Variants in CYP2C19 observed in about 807,000 individuals in gnomAD.
The protein encoded by CYP2C19 is cytochrome P450 family 2 subfamily C member 19.
In CYP2C19, 59 loss-of-function variants were observed where a neutral mutation model predicts 40.9. The ratio of observed to expected loss-of-function variants is 1.44; its 90% CI spans 1.17 to 1.79. The LOEUF is 1.79. Among genes scored for constraint, CYP2C19 ranks in the 40% most tolerant of loss-of-function variants. CYP2C19 has a pLI of 0.00. For missense variants in CYP2C19, 754 were observed against 596.9 expected (o/e 1.26, Z -2.74); for synonymous variants, 253 against 208.7 (o/e 1.21, Z -1.83).
chr10:94,763,491 C>A (rs373995621), intron 1 of CYP2C19, among the ~76,000 whole-genome samples: 1 of 152,022 alleles, frequency 6.6e-6, no homozygotes, highest in Admixed American at 6.6e-5. Flanking sequence ...ATAAGCATTA[C>A]GGTTTTTTCT....
chr10:94,801,984 A>G (rs1312579125), intron 5 of CYP2C19, among the ~76,000 whole-genome samples: 1 of 152,166 alleles, frequency 6.6e-6, no homozygotes, highest in Non-Finnish European at 1.5e-5. Flanking sequence ...CAAAGCTTTG[A>G]CATCATGGAA....
At chr10:94,801,993 A>G (rs774735023) in intron 5 of CYP2C19, among the ~76,000 whole-genome samples, 2 of 152,158 alleles carry the variant, frequency 1.3e-5, no homozygotes, top group Non-Finnish European at 2.9e-5. Flanking sequence ...GACATCATGG[A>G]AGGAGACCTT....
intron 6 of CYP2C19, among the ~76,000 whole-genome samples, chr10:94,834,619 G>A (rs1849374625): frequency 6.6e-6 from 1 of 151,530 alleles, no homozygotes; most frequent in African/African-American, 2.4e-5. Context: ...TACAAAGGGA[G>A]GGGACCCAAA....
At chr10:94,820,284 A>G (rs1849092834) in intron 5 of CYP2C19, among the ~76,000 whole-genome samples, 1 of 152,132 alleles carries the variant, frequency 6.6e-6, no homozygotes, top group Admixed American at 6.5e-5. Context: ...AGCCAATATC[A>G]TACTGAATGG....
chr10:94,803,123 A>G (rs1236017131), intron 5 of CYP2C19, among the ~76,000 whole-genome samples: 3 of 152,158 alleles, frequency 2.0e-5, no homozygotes, highest in Non-Finnish European at 4.4e-5. Flanking sequence ...TGGTTTTACA[A>G]TATTCAGATA....
chr10:94,774,261 G>A (rs1037793761), intron 1 of CYP2C19: 6 of 152,240 alleles, frequency 3.9e-5, no homozygotes, highest in African/African-American at 1.4e-4. Context: ...AAAACTTCAG[G>A]GGGTTTTAAT....
chr10:94,828,963 C>G (rs1312296387), intron 6 of CYP2C19, among the ~76,000 whole-genome samples: 1 of 151,926 alleles, frequency 6.6e-6, no homozygotes, highest in Non-Finnish European at 1.5e-5. Context: ...GTTGAAAATT[C>G]TTTTCTTTAA....
chr10:94,844,599 G>T (rs1216424543), intron 7 of CYP2C19, among the ~76,000 whole-genome samples: 1 of 152,090 alleles, frequency 6.6e-6, no homozygotes, highest in African/African-American at 2.4e-5. Context: ...ATATTTTCAA[G>T]GGGAAAAATC....
intron 5 of CYP2C19, among the ~76,000 whole-genome samples, chr10:94,784,814 T>A (rs1848520484): frequency 6.6e-6 from 1 of 152,058 alleles, no homozygotes; most frequent in Non-Finnish European, 1.5e-5. Flanking sequence ...GGTCTCGAAC[T>A]CTTGACCTCA....
At chr10:94,771,045 A>G (rs1848322547) in intron 1 of CYP2C19, among the ~76,000 whole-genome samples, 1 of 152,184 alleles carries the variant, frequency 6.6e-6, no homozygotes, top group African/African-American at 2.4e-5. Flanking sequence ...TCCAAGTGAG[A>G]TCGAAGGTTT....
chr10:94,852,721 TGTTA>T lies in CYP2C19; in HGVS notation c.1292-11_1292-8del. The T allele has an allele frequency of 3.7e-6, 6 of 1,613,510 alleles. No homozygotes were observed. The highest frequency in any genetic ancestry group is 4.2e-6 in the Non-Finnish European group (5 of 1,179,782). On this transcript the variant is annotated splice_region_variant and splice_polypyrimidine_tract_variant and intron_variant, in intron 8 of 8. Transcript: ENST00000371321. The stretch of plus-strand genomic sequence containing the variant: ...ATGAGGAGTAACTTCTCCCTATGTT[TGTTA>T]TTTTCAGGAAAACGGATTTGTGTGG...
chr10:94,826,932 G>C (rs1470620487), intron 6 of CYP2C19, among the ~76,000 whole-genome samples: 1 of 152,090 alleles, frequency 6.6e-6, no homozygotes, highest in African/African-American at 2.4e-5. Flanking sequence ...TGTGGTTTTT[G>C]TCTTTGGTTC....
chr10:94,822,437 G>T (rs1008197542), intron 6 of CYP2C19, among the ~76,000 whole-genome samples: 5 of 152,286 alleles, frequency 3.3e-5, no homozygotes, highest in African/African-American at 9.6e-5. Context: ...AAACATATCA[G>T]TGTATATTTA....
chr10:94,771,040 G>T (rs1385858709), intron 1 of CYP2C19, among the ~76,000 whole-genome samples: 1 of 152,152 alleles, frequency 6.6e-6, no homozygotes, highest in Non-Finnish European at 1.5e-5. Flanking sequence ...ATCTCTCCAA[G>T]TGAGATCGAA....
chr10:94,783,159 T>C (rs974477968), intron 5 of CYP2C19, among the ~76,000 whole-genome samples: 1 of 152,110 alleles, frequency 6.6e-6, no homozygotes, highest in African/African-American at 2.4e-5. Context: ...ATGCAGGTTT[T>C]AGGTGAAATG....
At chr10:94,794,855 C>G (rs1237748087) in intron 5 of CYP2C19, among the ~76,000 whole-genome samples, 1 of 152,036 alleles carries the variant, frequency 6.6e-6, no homozygotes, top group African/African-American at 2.4e-5. Context: ...CAAACAGGGA[C>G]AATTTAACTT....
At chr10:94,847,015 A>G (rs1017422627) in intron 7 of CYP2C19, among the ~76,000 whole-genome samples, 1 of 152,084 alleles carries the variant, frequency 6.6e-6, no homozygotes, top group Non-Finnish European at 1.5e-5. Flanking sequence ...TGCCCTGTGA[A>G]TAGACACTCT....
rs373780078 is a variant in CYP2C19 at position 94,838,225 on chromosome 10, G to A, written c.962-4612G>A. Among the ~76,000 whole-genome samples, 70 of 152,212 alleles carry A rather than the reference G, an allele frequency of 4.6e-4. No individual in the cohort carries two copies. In the East Asian group the frequency reaches 6.0e-3, roughly 13 times the overall value. ...CTCCATGTTCTGATTCTGTGTCCCA[G>A]TGAGGGTCTACACTGGGAACTGCCT... On this transcript the variant is annotated intron_variant, in intron 6 of 8. Transcript: ENST00000371321.
chr10:94,795,501 T>A (rs1468523989), intron 5 of CYP2C19, among the ~76,000 whole-genome samples: 3 of 152,120 alleles, frequency 2.0e-5, no homozygotes, highest in Non-Finnish European at 4.4e-5. Flanking sequence ...TGGTTTATAA[T>A]CTTTTGGGTA....
Sources: allele counts gnomAD v4.1 joint callset (sites outside exome capture counted in the v4.1 genomes callset), GRCh38; gene constraint gnomAD v4.1.1; transcripts MANE v1.5; gene names NCBI Gene and HGNC (gene_info 2026-07-23, HGNC 2026-07-21).